Variants in CPNE4 observed in about 807,000 individuals in gnomAD.
CPNE4 encodes the protein copine 4, also known as copine-4.
In CPNE4, 25 loss-of-function variants were observed where a neutral mutation model predicts 67.9. The ratio of observed to expected loss-of-function variants is 0.37; its 90% CI spans 0.27 to 0.51. The LOEUF is 0.51. Ranked by LOEUF, CPNE4 falls within the 20% of genes least tolerant of loss-of-function variation. The pLI is 0.93. For missense variants in CPNE4, 464 were observed against 690.8 expected (o/e 0.67, Z 3.68); for synonymous variants, 242 against 244.9 (o/e 0.99, Z 0.11).
chr3:131,668,785 G>A (rs934907474), intron 7 of CPNE4, among the ~76,000 whole-genome samples: 3 of 152,128 alleles, frequency 2.0e-5, no homozygotes, highest in African/African-American at 7.2e-5. Context: ...CCTGAAATCT[G>A]CTCCTGGCGT....
intron 7 of CPNE4, among the ~76,000 whole-genome samples, chr3:131,635,451 A>G (rs1365687831): frequency 1.3e-5 from 2 of 152,218 alleles, no homozygotes; most frequent in Non-Finnish European, 2.9e-5. Context: ...ATCTATTCCT[A>G]TGCTGTCTAA....
intron 10 of CPNE4, among the ~76,000 whole-genome samples, chr3:131,565,018 T>C (rs1936981982): frequency 6.6e-6 from 1 of 152,044 alleles, no homozygotes; most frequent in Non-Finnish European, 1.5e-5. Context: ...ACTAGTCATT[T>C]ATGCTTCAAC....
At chr3:131,874,880 A>C (rs2087375837) in intron 2 of CPNE4, among the ~76,000 whole-genome samples, 1 of 152,194 alleles carries the variant, frequency 6.6e-6, no homozygotes, top group Non-Finnish European at 1.5e-5. Flanking sequence ...TAATTGATGA[A>C]TATTTCTCAC....
intron 2 of CPNE4, among the ~76,000 whole-genome samples, chr3:131,819,166 G>A (rs760181315): frequency 2.0e-5 from 3 of 152,034 alleles, no homozygotes; most frequent in Admixed American, 6.6e-5. Context: ...AAAGATATAC[G>A]ATTCCAAAAG....
At chr3:131,556,818 G>A (rs1452222642) in intron 11 of CPNE4, among the ~76,000 whole-genome samples, 2 of 152,058 alleles carry the variant, frequency 1.3e-5, no homozygotes, top group African/African-American at 4.8e-5. Flanking sequence ...TAACTTTACT[G>A]TACTATAGTT....
intron 1 of CPNE4, among the ~76,000 whole-genome samples, chr3:132,000,795 A>G (rs1028764594): frequency 6.6e-6 from 1 of 151,614 alleles, no homozygotes; most frequent in African/African-American, 2.4e-5. Context: ...ACAATGCACT[A>G]TCATCACACC....
intron 1 of CPNE4, among the ~76,000 whole-genome samples, chr3:131,995,442 A>G (rs1461415555): frequency 2.0e-5 from 3 of 152,084 alleles, no homozygotes; most frequent in African/African-American, 7.2e-5. Flanking sequence ...ATGCTTCTTC[A>G]CTTTTCTTCA....
intron 5 of CPNE4, among the ~76,000 whole-genome samples, chr3:131,689,736 A>C (rs1469768414): frequency 6.6e-6 from 1 of 152,208 alleles, no homozygotes; most frequent in Non-Finnish European, 1.5e-5. Flanking sequence ...CAAGAGAAAG[A>C]AATAAAAGGC....
chr3:131,978,129 T>G (rs1173866473), intron 1 of CPNE4, among the ~76,000 whole-genome samples: 1 of 75,658 alleles, frequency 1.3e-5, no homozygotes, highest in Non-Finnish European at 2.1e-5. Flanking sequence ...TAAATATATA[T>G]ATTTATATAA....
chr3:132,029,495 A>G (rs1368082946), intron 1 of CPNE4, among the ~76,000 whole-genome samples: 2 of 152,074 alleles, frequency 1.3e-5, no homozygotes, highest in Non-Finnish European at 2.9e-5. Flanking sequence ...GTCCATTCCA[A>G]TGCCAGCTCT....
chr3:131,977,036 G>A (rs559115602), intron 1 of CPNE4, among the ~76,000 whole-genome samples: 4 of 152,160 alleles, frequency 2.6e-5, no homozygotes, highest in South Asian at 2.1e-4. Context: ...TCCTGACCTC[G>A]TGATCTGCCC....
rs147173824 is a variant in CPNE4, at chr3:131,947,433, G to T, written c.-1-41989C>A. On this transcript the variant is annotated intron_variant, in intron 1 of 15. Coordinates refer to ENST00000429747, the MANE Select transcript of CPNE4 (RefSeq NM_130808.3). Reference sequence around the variant, plus strand: ...CCCAGTGTGTGATGTTTCCATCCCTGTGTCCATGTGTTCTCATCGTTCAAC... The same window carrying T: ...CCCAGTGTGTGATGTTTCCATCCCTTTGTCCATGTGTTCTCATCGTTCAAC... 4.9e-3 allele frequency among the ~76,000 whole-genome samples: 746 copies of T among 152,006 alleles called. 3 individuals carry two copies. The highest frequency in any genetic ancestry group is 0.017 in the African/African-American group (712 of 41,470).
intron 1 of CPNE4, among the ~76,000 whole-genome samples, chr3:131,996,664 C>A (rs2073302188): frequency 6.6e-6 from 1 of 151,852 alleles, no homozygotes; most frequent in African/African-American, 2.4e-5. Flanking sequence ...GGATCAGATT[C>A]TCCTGACAGG....
chr3:132,023,722 C>A (rs1172229604), intron 1 of CPNE4, among the ~76,000 whole-genome samples: 1 of 152,070 alleles, frequency 6.6e-6, no homozygotes, highest in African/African-American at 2.4e-5. Flanking sequence ...CTCCTGACCT[C>A]GTGATCCGCC....
chr3:131,594,681 A>G (rs1329055380), intron 7 of CPNE4, among the ~76,000 whole-genome samples: 1 of 152,226 alleles, frequency 6.6e-6, no homozygotes, highest in Non-Finnish European at 1.5e-5. Flanking sequence ...AGGTAATAAA[A>G]GCAAAAATAG....
At chr3:131,869,742 G>A (rs958009620) in intron 2 of CPNE4, among the ~76,000 whole-genome samples, 1 of 152,142 alleles carries the variant, frequency 6.6e-6, no homozygotes, top group Admixed American at 6.6e-5. Context: ...AGAAAAAGAG[G>A]AGAGAGAAGA....
At chr3:131,651,305 C>G (rs574035297) in intron 7 of CPNE4, among the ~76,000 whole-genome samples, 1 of 152,280 alleles carries the variant, frequency 6.6e-6, no homozygotes, top group South Asian at 2.1e-4. Context: ...CTCGAGACCT[C>G]TTTTTCCCAA....
chr3:131,596,588 C>A (rs1415815455), intron 7 of CPNE4, among the ~76,000 whole-genome samples: 1 of 95,152 alleles, frequency 1.1e-5, no homozygotes, highest in Non-Finnish European at 1.9e-5. Context: ...CGCCACTGCA[C>A]TCCAGCCTGG....
intron 2 of CPNE4, among the ~76,000 whole-genome samples, chr3:131,829,754 A>G (rs796253218): frequency 6.6e-5 from 10 of 152,326 alleles, no homozygotes; most frequent in African/African-American, 2.2e-4. Flanking sequence ...ATGGGGAAAC[A>G]TTGGTTGGAT....
Sources: allele counts gnomAD v4.1 joint callset (sites outside exome capture counted in the v4.1 genomes callset), GRCh38; gene constraint gnomAD v4.1.1; transcripts MANE v1.5; gene names NCBI Gene and HGNC (gene_info 2026-07-23, HGNC 2026-07-21).